Variants in MGMT observed in about 807,000 individuals in gnomAD.
MGMT encodes the protein methylated-DNA--protein-cysteine methyltransferase.
In MGMT, 14 loss-of-function variants were observed where a neutral mutation model predicts 15.9. The observed-to-expected ratio is 0.88, with a 90% CI of 0.58 to 1.37. MGMT has a LOEUF of 1.37. Among genes scored for constraint, MGMT ranks in the 40% most tolerant of loss-of-function variants. The probability of loss-of-function intolerance (pLI) is 0.00; values close to 1 mark genes in which losing one functional copy is unlikely to be tolerated. For missense variants in MGMT, 282 were observed against 268.1 expected, an observed-to-expected ratio of 1.05 and a Z score of -0.36; for synonymous variants, 130 against 118.2, an observed-to-expected ratio of 1.10 and a Z score of -0.65.
intron 2 of MGMT, among the ~76,000 whole-genome samples, chr10:129,630,668 GA>G (rs1438918357): frequency 7.2e-5 from 11 of 152,160 alleles, no homozygotes; most frequent in Admixed American, 7.2e-4. Context: ...ACAGAAGGAA[GA>G]TTTTTGTGGG....
At chr10:129,749,212 A>G (rs1350531648) in intron 3 of MGMT, among the ~76,000 whole-genome samples, 2 of 152,176 alleles carry the variant, frequency 1.3e-5, no homozygotes, top group Non-Finnish European at 2.9e-5. Flanking sequence ...GATGTATGAT[A>G]TCATGTTTTC....
At chr10:129,634,541 T>C (rs896764870) in intron 2 of MGMT, among the ~76,000 whole-genome samples, 8 of 152,176 alleles carry the variant, frequency 5.3e-5, no homozygotes, top group African/African-American at 9.6e-5. Flanking sequence ...ATTTCCTTTC[T>C]CTGTCCTCAT....
chr10:129,645,826 G>A lies in MGMT; in HGVS notation c.126-62069G>A, dbSNP rs547407239. Among the ~76,000 whole-genome samples the A allele has an allele frequency of 2.0e-5, 3 of 152,336 alleles. No individual in the cohort carries two copies. The East Asian group carries it at 5.8e-4, about 29-fold the overall frequency. ...GTGATGTCTAATCTCCAGTGGGCAAGTGGTGAAGGTACTCTAGCATCCATC... is the reference window on the plus strand; with the variant it reads ...GTGATGTCTAATCTCCAGTGGGCAAATGGTGAAGGTACTCTAGCATCCATC... On this transcript the variant is annotated intron_variant, in intron 2 of 4. Transcript: ENST00000651593.
chr10:129,509,272 G>A (rs762901134), intron 1 of MGMT, among the ~76,000 whole-genome samples: 36 of 152,120 alleles, frequency 2.4e-4, no homozygotes, highest in East Asian at 1.9e-4. Flanking sequence ...TTTTTATTGC[G>A]TTCGCATAGA....
chr10:129,527,464 G>A (rs1378288824), intron 1 of MGMT, among the ~76,000 whole-genome samples: 1 of 152,226 alleles, frequency 6.6e-6, no homozygotes, highest in Non-Finnish European at 1.5e-5. Context: ...TGCCCCGTGT[G>A]TTCCCTGAGG....
chr10:129,618,146 T>A (rs1347942593), intron 2 of MGMT, among the ~76,000 whole-genome samples: 1 of 152,144 alleles, frequency 6.6e-6, no homozygotes, highest in African/African-American at 2.4e-5. Context: ...AGATTTACTT[T>A]TTAAAGTTTC....
intron 2 of MGMT, among the ~76,000 whole-genome samples, chr10:129,552,683 T>G (rs1207201626): frequency 1.3e-5 from 2 of 152,172 alleles, no homozygotes; most frequent in South Asian, 2.1e-4. Flanking sequence ...CCCGAGTTCC[T>G]GAGACTTCGG....
Position 129,766,773 on chromosome 10 carries a change from C to T in MGMT, c.415-15C>T. 1.2e-6 allele frequency: 2 copies of T among 1,605,866 alleles called. No homozygotes were observed. Among genetic ancestry groups the T allele is most frequent in the South Asian group, 1.1e-5 (1 of 90,200 alleles). ...CAGATCCCTGACTGACAGTGGCTGCCCCCCTGTCTTCCAGGTCCCCATCCT... is the reference window on the plus strand; with the variant it reads ...CAGATCCCTGACTGACAGTGGCTGCTCCCCTGTCTTCCAGGTCCCCATCCT... On this transcript the variant is annotated splice_polypyrimidine_tract_variant and intron_variant, in intron 4 of 4. Coordinates refer to ENST00000651593, the MANE Select transcript of MGMT (RefSeq NM_002412.5).
chr10:129,653,175 T>C (rs1024344910), intron 2 of MGMT, among the ~76,000 whole-genome samples: 1 of 152,202 alleles, frequency 6.6e-6, no homozygotes, highest in Non-Finnish European at 1.5e-5. Context: ...AAGACTCTAC[T>C]CCACTGGACT....
At chr10:129,474,955 T>C (rs908798175) in intron 1 of MGMT, among the ~76,000 whole-genome samples, 36 of 152,046 alleles carry the variant, frequency 2.4e-4, no homozygotes, top group African/African-American at 8.4e-4. Context: ...TTGTAGGTAC[T>C]GGTGAGGGCT....
intron 2 of MGMT, among the ~76,000 whole-genome samples, chr10:129,563,406 G>T (rs1471706813): frequency 1.3e-5 from 2 of 152,176 alleles, no homozygotes; most frequent in African/African-American, 4.8e-5. Context: ...TTTCTCTGGA[G>T]AGTGTGGCTC....
At chr10:129,692,554 T>C (rs1442952043) in intron 2 of MGMT, among the ~76,000 whole-genome samples, 1 of 152,170 alleles carries the variant, frequency 6.6e-6, no homozygotes, top group African/African-American at 2.4e-5. Flanking sequence ...ATGGACACCT[T>C]GAAAATCCCA....
At chr10:129,752,733 T>C (rs1848763089) in intron 3 of MGMT, among the ~76,000 whole-genome samples, 2 of 152,118 alleles carry the variant, frequency 1.3e-5, no homozygotes, top group African/African-American at 4.8e-5. Flanking sequence ...TATAGATCCT[T>C]TTAGCTCTCC....
intron 2 of MGMT, among the ~76,000 whole-genome samples, chr10:129,596,373 A>C (rs1846751433): frequency 6.6e-6 from 1 of 152,190 alleles, no homozygotes; most frequent in South Asian, 2.1e-4. Flanking sequence ...ATTGTTTATA[A>C]ATACAGTGAA....
At chr10:129,539,427 G>A (rs561120672) in intron 2 of MGMT, among the ~76,000 whole-genome samples, 2 of 152,266 alleles carry the variant, frequency 1.3e-5, no homozygotes, top group East Asian at 3.9e-4. Flanking sequence ...GTTTTGCTCT[G>A]TTTGGTTCAG....
rs577309430 is a variant in MGMT at position 129,747,420 on chromosome 10, T to C, written c.275-11782T>C. On this transcript the variant is annotated intron_variant, in intron 3 of 4. Coordinates refer to ENST00000651593, the MANE Select transcript of MGMT (RefSeq NM_002412.5). ...TGAATAGGTGTTAAATTGTATTAAA[T>C]ATTTTTTCTGACTGGATATAGATTA... Among the ~76,000 whole-genome samples the C allele has an allele frequency of 2.0e-5, 3 of 152,356 alleles. No individual in the cohort carries two copies. The South Asian group carries it at 6.2e-4, about 32-fold the overall frequency.
rs1157036311 is a variant in MGMT, at chr10:129,770,726, T to G, written c.*3729T>G. Among the ~76,000 whole-genome samples the G allele has an allele frequency of 2.6e-5, 4 of 152,334 alleles. No individual in the cohort carries two copies. The East Asian group carries it at 7.7e-4, about 29-fold the overall frequency. ...CAAGGGGGAAAGTGTTTTATTTTAC[T>G]AGGAAGATTTTACTGAAAGACCAAT... On this transcript the variant is annotated 3_prime_UTR_variant, in exon 5 of 5. Coordinates refer to ENST00000651593, the MANE Select transcript of MGMT (RefSeq NM_002412.5).
At chr10:129,522,237 C>T (rs931038182) in intron 1 of MGMT, among the ~76,000 whole-genome samples, 1 of 152,124 alleles carries the variant, frequency 6.6e-6, no homozygotes, top group Non-Finnish European at 1.5e-5. Flanking sequence ...TAGAATGCAC[C>T]AAGGAATGCC....
intron 2 of MGMT, among the ~76,000 whole-genome samples, chr10:129,687,711 T>TA (rs1847920826): frequency 6.6e-6 from 1 of 152,008 alleles, no homozygotes. Context: ...TTTTTTTTTT[T>TA]TTATACTTTA....
Sources: gnomAD v4.1 joint callset for allele counts (sites outside exome capture counted in the v4.1 genomes callset) on GRCh38, gnomAD v4.1.1 for gene constraint, MANE v1.5 for transcripts, NCBI Gene and HGNC (gene_info 2026-07-23, HGNC 2026-07-21) for gene names.